Variants in HCRTR2 observed in about 807,000 individuals in gnomAD.
HCRTR2 encodes the protein hypocretin receptor 2.
A neutral mutation model predicts 49.0 loss-of-function variants in HCRTR2; 22 were observed. The observed-to-expected ratio is 0.45, with a 90% confidence interval of 0.32 to 0.64. HCRTR2 has a LOEUF of 0.64. Among genes scored for constraint, HCRTR2 ranks in the 30% least tolerant of loss-of-function variants. HCRTR2 has a pLI of 0.04. For synonymous variants in HCRTR2, 236 were observed against 205.3 expected (o/e 1.15, Z -1.28); for missense variants, 491 against 559.4 (o/e 0.88, Z 1.23).
At chr6:55,190,218 C>T (rs1765292837) in intron 1 of HCRTR2, among the ~76,000 whole-genome samples, 1 of 152,170 alleles carries the variant, frequency 6.6e-6, no homozygotes. Context: ...GCAAACAAAA[C>T]AGACGAAGCT....
At chr6:55,134,211 TTTTG>T (rs146948526) in intron 1 of HCRTR2, among the ~76,000 whole-genome samples, 33 of 151,002 alleles carry the variant, frequency 2.2e-4, no homozygotes, top group East Asian at 7.7e-4. Context: ...ATTATTCTGT[TTTTG>T]TTTGTTTGTT....
chr6:55,253,727 G>A (rs1174171417), intron 2 of HCRTR2, among the ~76,000 whole-genome samples: 1 of 152,130 alleles, frequency 6.6e-6, no homozygotes, highest in East Asian at 1.9e-4. Flanking sequence ...GTCCTTTGCA[G>A]CAACATGAAA....
chr6:55,187,682 CTTTTTTTTTT>C (rs5876430), intron 1 of HCRTR2, among the ~76,000 whole-genome samples: 1 of 102,244 alleles, frequency 9.8e-6, no homozygotes, highest in Non-Finnish European at 1.8e-5. Context: ...ATTATTTGAT[CTTTTTTTTTT>C]TTTTTTTTTT....
At chr6:55,273,316 G>A (rs1403036644) in intron 4 of HCRTR2, among the ~76,000 whole-genome samples, 2 of 152,016 alleles carry the variant, frequency 1.3e-5, no homozygotes, top group African/African-American at 4.8e-5. Context: ...ATGATGAAAT[G>A]GGTAATAGGT....
chr6:55,184,028 A>G (rs1216989674), intron 1 of HCRTR2, among the ~76,000 whole-genome samples: 1 of 152,020 alleles, frequency 6.6e-6, no homozygotes, highest in Non-Finnish European at 1.5e-5. Flanking sequence ...TCCAGGTCCC[A>G]GTGATTCTCC....
At chr6:55,223,977 TG>T (rs1765948618) in intron 1 of HCRTR2, among the ~76,000 whole-genome samples, 2 of 152,204 alleles carry the variant, frequency 1.3e-5, no homozygotes, top group South Asian at 4.1e-4. Context: ...TATTTCTACA[TG>T]GGTGAATTTC....
intron 1 of HCRTR2, among the ~76,000 whole-genome samples, chr6:55,148,493 G>A (rs9475173): frequency 0.6 from 91,132 of 151,812 alleles, 27,889 homozygotes; most frequent in Middle Eastern, 0.7. Flanking sequence ...AGCCTTACTT[G>A]CTACCCACCT....
chr6:55,226,529 G>A (rs1766007650), intron 1 of HCRTR2, among the ~76,000 whole-genome samples: 1 of 151,698 alleles, frequency 6.6e-6, no homozygotes, highest in African/African-American at 2.4e-5. Context: ...GGGTGGTCTC[G>A]AGCTCCTAAC....
At chr6:55,272,735 A>G (rs1275317031) in intron 4 of HCRTR2, among the ~76,000 whole-genome samples, 1 of 152,020 alleles carries the variant, frequency 6.6e-6, no homozygotes, top group African/African-American at 2.4e-5. Context: ...CTTTCTGACT[A>G]AAGTTTTTTT....
chr6:55,225,069 A>T lies in HCRTR2; in HGVS notation c.224-23570A>T, dbSNP rs370207078. ...ATTTTTTAATTAGCTCCCTTTAGCC[A>T]TTCCACAATGTATACATCTTTTAAA... is the stretch of plus-strand genomic sequence containing the variant. On this transcript the variant is annotated intron_variant, in intron 1 of 6. Coordinates refer to ENST00000370862, the MANE Select transcript of HCRTR2 (RefSeq NM_001384272.1). Among the ~76,000 whole-genome samples, 17 of 152,314 alleles carry T rather than the reference A, an allele frequency of 1.1e-4. No homozygotes were observed. In the South Asian group the frequency reaches 2.9e-3, roughly 26 times the overall value.
At chr6:55,135,101 G>A (rs1045445124) in intron 1 of HCRTR2, among the ~76,000 whole-genome samples, 28 of 151,936 alleles carry the variant, frequency 1.8e-4, no homozygotes, top group African/African-American at 6.8e-4. Context: ...GGAAAGATGA[G>A]GAATTAATGA....
chr6:55,156,408 C>G (rs540631238), intron 1 of HCRTR2, among the ~76,000 whole-genome samples: 6 of 152,074 alleles, frequency 3.9e-5, no homozygotes, highest in East Asian at 3.9e-4. Flanking sequence ...TACTATTAAT[C>G]CAGAGATGAA....
intron 4 of HCRTR2, among the ~76,000 whole-genome samples, chr6:55,269,742 T>C (rs1005540727): frequency 1.2e-4 from 18 of 152,090 alleles, no homozygotes; most frequent in Admixed American, 3.9e-4. Flanking sequence ...GAGGATCACA[T>C]GAGGCCAGGA....
chr6:55,246,413 A>G (rs1254537905), intron 1 of HCRTR2, among the ~76,000 whole-genome samples: 2 of 151,998 alleles, frequency 1.3e-5, no homozygotes, highest in Non-Finnish European at 2.9e-5. Flanking sequence ...AAATGAACTC[A>G]AGGGCTCCAG....
intron 1 of HCRTR2, among the ~76,000 whole-genome samples, chr6:55,164,101 G>T (rs939636029): frequency 6.6e-6 from 1 of 152,084 alleles, no homozygotes; most frequent in Admixed American, 6.6e-5. Flanking sequence ...TTAGAATGGC[G>T]ATCATTAAAA....
intron 1 of HCRTR2, among the ~76,000 whole-genome samples, chr6:55,120,785 C>T (rs1416252919): frequency 6.6e-6 from 1 of 151,856 alleles, no homozygotes; most frequent in Admixed American, 6.6e-5. Context: ...ACTTCCAATA[C>T]TATGTTGAAT....
At chr6:55,163,407 G>A (rs1188881083) in intron 1 of HCRTR2, among the ~76,000 whole-genome samples, 3 of 152,094 alleles carry the variant, frequency 2.0e-5, no homozygotes, top group Non-Finnish European at 4.4e-5. Context: ...AAAACAGCAT[G>A]GTATTGGTAT....
chr6:55,173,539 G>A (rs1764981948), upstream of HCRTR2, among the ~76,000 whole-genome samples: 2 of 152,182 alleles, frequency 1.3e-5, no homozygotes, highest in Non-Finnish European at 2.9e-5. Context: ...ATGAGAGAAT[G>A]GCAGGTGACA....
At chr6:55,272,445 TTGCACAAC>T (rs1161206766) in intron 4 of HCRTR2, among the ~76,000 whole-genome samples, 3 of 152,138 alleles carry the variant, frequency 2.0e-5, no homozygotes, top group Non-Finnish European at 4.4e-5. Flanking sequence ...GATGTGATAG[TTGCACAAC>T]TCTGTGAATA....
Sources: allele counts gnomAD v4.1 joint callset (sites outside exome capture counted in the v4.1 genomes callset), GRCh38; gene constraint gnomAD v4.1.1; transcripts MANE v1.5; gene names NCBI Gene and HGNC (gene_info 2026-07-23, HGNC 2026-07-21).